The following OSCP1 variants were observed in gnomAD, a reference collection of about 807,000 sequenced individuals.
The protein encoded by OSCP1 is organic solute carrier partner 1, also known as protein OSCP1.
OSCP1 carries 35 observed loss-of-function variants against 45.1 expected under a neutral mutation model. The ratio of observed to expected loss-of-function variants is 0.78; its 90% CI spans 0.59 to 1.03. The LOEUF (loss-of-function observed/expected upper bound fraction) is 1.03. OSCP1 is among the 50% of genes least tolerant of loss of function. The pLI is 0.00. For missense variants in OSCP1, 400 were observed against 470.7 expected (o/e 0.85, Z 1.39); for synonymous variants, 179 against 180.1 (o/e 0.99, Z 0.05).
Position 36,431,796 on chromosome 1 carries a change from ACT to A in OSCP1, c.516+4_516+5del, listed in dbSNP as rs1648378242. 1 of 1,612,954 alleles carries A rather than the reference ACT, an allele frequency of 6.2e-7. No homozygotes were observed. Among genetic ancestry groups the A allele is most frequent in the Admixed American group, 1.7e-5 (1 of 59,946 alleles). ...TGAGTGTTCCCAGGGCTGCCTATTG[ACT>A]TACTCGGATGTGCAGGTCTTGGAAG... On this transcript the variant is annotated splice_donor_5th_base_variant and intron_variant, in intron 4 of 9. Transcript: ENST00000235532.
At position 36,447,996 on chromosome 1, in the gene OSCP1, G is replaced by A; in HGVS notation, c.112+2262C>T. On this transcript the variant is annotated intron_variant, in intron 1 of 9. Coordinates refer to ENST00000235532, the MANE Select transcript of OSCP1 (RefSeq NM_145047.5). This position sits in a 1 kb window ranked among gnomAD's most constrained non-coding sequence, Gnocchi z 4.1. ...GGCTATAACTCCTAAAGGTAAAGCT[G>A]TCCTCTAGTATTCCAAGGGCCTTGT... 1 of 396,426 alleles carries A rather than the reference G, an allele frequency of 2.5e-6. No homozygotes were observed. The highest frequency in any genetic ancestry group is 7.4e-5 in the East Asian group (1 of 13,548). The allele number at this position is 396,426 out of a possible 1,614,324, so 24.6% of individuals were successfully genotyped here.
rs200043573 is a variant in OSCP1 at position 36,429,535 on chromosome 1, A to ATTTTTTTTTTTTTTTTTTTT, written c.516+2247_516+2266dup. 5.4e-4 allele frequency among the ~76,000 whole-genome samples: 54 copies of ATTTTTTTTTTTTTTTTTTTT among 100,308 alleles called. 6 individuals carry two copies. The highest frequency in any genetic ancestry group is 1.8e-3 in the African/African-American group (42 of 23,898). 65.8% of individuals were successfully genotyped at this position (100,308 alleles called of 152,430 possible). A position where few individuals can be genotyped will look rare whatever the true frequency, so the allele number is the denominator to read the frequency against. ...CACATTCAAAATTCAGAAGCTTAGA[A>ATTTTTTTTTTTTTTTTTTTT]TTTTTTTTTTTTTTTTTTTTTTTTT... On this transcript the variant is annotated intron_variant, in intron 4 of 9. Coordinates refer to ENST00000235532, the MANE Select transcript of OSCP1 (RefSeq NM_145047.5).
At chr1:36,424,339 C>G (rs1161180053) in intron 4 of OSCP1, among the ~76,000 whole-genome samples, 1 of 152,194 alleles carries the variant, frequency 6.6e-6, no homozygotes, top group African/African-American at 2.4e-5. Flanking sequence ...AGTGAAGTGA[C>G]TTGCCCAAAG....
chr1:36,447,294 G>C lies in OSCP1; in HGVS notation c.112+2964C>G, dbSNP rs932635220. On this transcript the variant is annotated intron_variant, in intron 1 of 9. Coordinates refer to ENST00000235532, the MANE Select transcript of OSCP1 (RefSeq NM_145047.5). This position sits in a 1 kb window ranked among gnomAD's most constrained non-coding sequence, Gnocchi z 4.1. ...CTGTTTTCTCACTCTATCTTCTACA[G>C]ATCTCCAACAGCCAACTATTTTGTC... Among the ~76,000 whole-genome samples, 5 of 152,138 alleles carry C rather than the reference G, an allele frequency of 3.3e-5. No individual in the cohort carries two copies. Among genetic ancestry groups the C allele is most frequent in the African/African-American group, 2.4e-5 (1 of 41,440 alleles).
intron 1 of OSCP1, among the ~76,000 whole-genome samples, chr1:36,440,325 G>A (rs1222211206): frequency 1.3e-5 from 2 of 152,160 alleles, no homozygotes; most frequent in Non-Finnish European, 2.9e-5. Flanking sequence ...GGAGCTGAGG[G>A]CTGGTTGTAC....
At position 36,427,299 on chromosome 1, in the gene OSCP1, C is replaced by CTTTT. The variant is rs71053929; in HGVS notation, c.517-3837_517-3834dup. On this transcript the variant is annotated intron_variant, in intron 4 of 9. Transcript: ENST00000235532. Reference sequence around the variant, plus strand: ...ACAGGCGTGAGCCATGGCGCCTGGCCTTTTTTTTTTTTTTTGACACAGAGT... The same window carrying CTTTT: ...ACAGGCGTGAGCCATGGCGCCTGGCCTTTTTTTTTTTTTTTTTTTGACACAGAGT... Among the ~76,000 whole-genome samples the CTTTT allele has an allele frequency of 2.7e-3, 263 of 96,298 alleles. 20 individuals carry two copies. The highest frequency in any genetic ancestry group is 0.012 in the African/African-American group (242 of 20,816). The allele number at this position is 96,298 out of a possible 152,430, so 63.2% of individuals were successfully genotyped here. A position where few individuals can be genotyped will look rare whatever the true frequency, so the allele number is the denominator to read the frequency against.
chr1:36,422,877 C>T lies in OSCP1; in HGVS notation c.640G>A (p.Glu214Lys). The change falls in exon 6 of 10, where the codon GAA becomes AAA. Residue 214 changes from glutamate (E) to lysine (K), a missense_variant. By Grantham distance (56) the Glu-to-Lys change is moderately conservative. Coordinates refer to ENST00000235532, the MANE Select transcript of OSCP1 (RefSeq NM_145047.5). ...GLIRMFNNKG[E>K]EVKRIEFKHG... ...TTGAATTCTATCCTCTTCACTTCTTCACCTTTGTTGTTGAACATTCTACAA... is the reference window on the plus strand; with the variant it reads ...TTGAATTCTATCCTCTTCACTTCTTTACCTTTGTTGTTGAACATTCTACAA... 6.2e-7 allele frequency: 1 copy of T among 1,606,380 alleles called. No individual in the cohort carries two copies. Among genetic ancestry groups the T allele is most frequent in the Non-Finnish European group, 8.5e-7 (1 of 1,175,958 alleles).
intron 7 of OSCP1, 59 bp from the exon 8 acceptor site, chr1:36,420,674 A>C: frequency 6.3e-7 from 1 of 1,589,088 alleles, no homozygotes; most frequent in Non-Finnish European, 8.6e-7. Flanking sequence ...TCCTGCTAAA[A>C]CCTCAGAGAC....
intron 4 of OSCP1, among the ~76,000 whole-genome samples, chr1:36,429,535 A>ATTTTTTTT (rs200043573): frequency 0.14 from 13,875 of 98,878 alleles, 2,393 homozygotes; most frequent in Non-Finnish European, 0.19. Context: ...GAAGCTTAGA[A>ATTTTTTTT]TTTTTTTTTT....
chr1:36,444,429 A>G (rs1257976410), intron 1 of OSCP1, among the ~76,000 whole-genome samples: 1 of 152,210 alleles, frequency 6.6e-6, no homozygotes, highest in African/African-American at 2.4e-5. Context: ...ACAGGCAGAG[A>G]AAAGAGTTTC....
intron 1 of OSCP1, among the ~76,000 whole-genome samples, chr1:36,444,681 G>A (rs1047707388): frequency 1.4e-4 from 21 of 152,310 alleles, no homozygotes; most frequent in Admixed American, 1.3e-3. Context: ...GGCAGCTGGG[G>A]AGATCCCAAG....
At chr1:36,428,817 C>T (rs936339710) in intron 4 of OSCP1, among the ~76,000 whole-genome samples, 17 of 151,968 alleles carry the variant, frequency 1.1e-4, no homozygotes, top group South Asian at 4.1e-4. Context: ...TGTTGGCAGG[C>T]GCCTGTAATC....
chr1:36,439,194 T>C (rs1161281520), intron 1 of OSCP1, among the ~76,000 whole-genome samples: 1 of 152,218 alleles, frequency 6.6e-6, no homozygotes, highest in Non-Finnish European at 1.5e-5. Flanking sequence ...ATTATCTCAC[T>C]TGATGATAAG....
chr1:36,432,894 C>T (rs955405910), intron 2 of OSCP1, among the ~76,000 whole-genome samples: 2 of 152,116 alleles, frequency 1.3e-5, no homozygotes, highest in Non-Finnish European at 2.9e-5. Context: ...AGCGGAGTCC[C>T]AAAGTGAGCA....
intron 9 of OSCP1, 99 bp from the exon 10 acceptor site, chr1:36,418,354 T>C (rs1253853813): frequency 1.1e-6 from 1 of 933,168 alleles, no homozygotes; most frequent in Non-Finnish European, 1.7e-6. Flanking sequence ...ATGACTGATA[T>C]GTTTCAGTTG....
rs759008005 is a variant in OSCP1 at position 36,432,454 on chromosome 1, G to A, written c.403C>T (p.Gln135Ter). 4 of 1,614,016 alleles carry A rather than the reference G, an allele frequency of 2.5e-6. No individual in the cohort carries two copies. Among genetic ancestry groups the A allele is most frequent in the Non-Finnish European group, 3.4e-6 (4 of 1,180,030 alleles). ...FIRDSPTILQ[Q>*]VDETLRQLTE... ...AGCTGCCGCAAAGTCTCGTCCACTT[G>A]CTGCAGGATGGTTGGGGAGTCTCGG... Residue 135 changes from glutamine to a stop codon, truncating the protein, a stop_gained, in exon 3 of 10, where the codon CAA (glutamine) becomes TAA (stop). Coordinates refer to ENST00000235532, the MANE Select transcript of OSCP1 (RefSeq NM_145047.5). LOFTEE classifies it high-confidence loss of function.
At position 36,418,111 on chromosome 1, in the gene OSCP1, G is replaced by A; in HGVS notation, c.*28C>T. ...GGTCACCATCCAGCAGCCTCTCCCT[G>A]GGGGCAGAGGACGCCTGGTCAGAAC... On this transcript the variant is annotated 3_prime_UTR_variant, in exon 10 of 10. Coordinates refer to ENST00000235532, the MANE Select transcript of OSCP1 (RefSeq NM_145047.5). 6.3e-7 allele frequency: 1 copy of A among 1,589,494 alleles called. No homozygotes were observed. The highest frequency in any genetic ancestry group is 8.6e-7 in the Non-Finnish European group (1 of 1,158,530).
chr1:36,447,820 G>A lies in OSCP1; in HGVS notation c.112+2438C>T. 2.4e-6 allele frequency: 1 copy of A among 420,418 alleles called. No homozygotes were observed. Among genetic ancestry groups the A allele is most frequent in the Non-Finnish European group, 4.9e-6 (1 of 203,804 alleles). 26.0% of individuals were successfully genotyped at this position (420,418 alleles called of 1,614,324 possible). On this transcript the variant is annotated intron_variant, in intron 1 of 9. Transcript: ENST00000235532. The surrounding 1 kb of genome is among the most constrained non-coding windows in gnomAD (Gnocchi z 4.1). ...ACTGATCAATAGCCCTACCTCCAGTGAATGTCCAGAAGGGCTGCATCAGGC... is the reference window on the plus strand; with the variant it reads ...ACTGATCAATAGCCCTACCTCCAGTAAATGTCCAGAAGGGCTGCATCAGGC...
At chr1:36,425,347 C>T (rs1647899824) in intron 4 of OSCP1, among the ~76,000 whole-genome samples, 1 of 152,114 alleles carries the variant, frequency 6.6e-6, no homozygotes, top group Non-Finnish European at 1.5e-5. Flanking sequence ...CCTTTCTGTG[C>T]ATCAGTTTTC....
Sources: gnomAD v4.1 joint callset for allele counts (sites outside exome capture counted in the v4.1 genomes callset) on GRCh38, gnomAD v4.1.1 for gene constraint, Gnocchi (gnomAD v3.1) non-coding constraint, MANE v1.5 for transcripts, NCBI Gene and HGNC (gene_info 2026-07-23, HGNC 2026-07-21) for gene names.